The following RABGAP1L variants were observed in gnomAD, a reference collection of about 807,000 sequenced individuals.
RABGAP1L encodes rab GTPase-activating protein 1-like.
RABGAP1L carries 63 observed loss-of-function variants against 137.7 expected under a neutral mutation model. The ratio of observed to expected loss-of-function variants is 0.46; its 90% CI spans 0.37 to 0.56. The LOEUF (loss-of-function observed/expected upper bound fraction) is 0.56, where lower values mean the gene tolerates loss of function less well. Ranked by LOEUF, RABGAP1L falls within the 20% of genes least tolerant of loss-of-function variation. RABGAP1L has a pLI of 0.00. For synonymous variants in RABGAP1L, 431 were observed against 433.7 expected, an observed-to-expected ratio of 0.99 and a Z score of 0.08; for missense variants, 1,095 against 1,244.0, an observed-to-expected ratio of 0.88 and a Z score of 1.80.
intron 13 of RABGAP1L, among the ~76,000 whole-genome samples, chr1:174,609,246 C>T (rs1015908503): frequency 1.3e-5 from 2 of 152,154 alleles, no homozygotes; most frequent in Non-Finnish European, 2.9e-5. Context: ...CCTAGAGCCA[C>T]TGAATCAAGT....
intron 11 of RABGAP1L, among the ~76,000 whole-genome samples, chr1:174,339,253 T>A (rs887536774): frequency 6.6e-6 from 1 of 152,220 alleles, no homozygotes; most frequent in Admixed American, 6.5e-5. Flanking sequence ...AAACTCAAAT[T>A]TCATAGATTG....
Position 174,808,351 on chromosome 1 carries a change from G to A in RABGAP1L, c.2212-3481G>A, listed in dbSNP as rs1031927234. On this transcript the variant is annotated intron_variant, in intron 18 of 25. Coordinates refer to ENST00000681986, the MANE Select transcript of RABGAP1L (RefSeq NM_001366446.1). ...CGCATGTAGTCCTGGCTACTCGGGA[G>A]CCTAAGATGGGAAGGTTTCTTGAGC... 1.4e-4 allele frequency among the ~76,000 whole-genome samples: 22 copies of A among 152,092 alleles called. 1 individual carries two copies. The highest frequency in any genetic ancestry group is 1.4e-3 in the Admixed American group (22 of 15,266).
chr1:174,288,509 A>G (rs1283018578), intron 10 of RABGAP1L, among the ~76,000 whole-genome samples: 1 of 152,118 alleles, frequency 6.6e-6, no homozygotes, highest in Admixed American at 6.5e-5. Context: ...TTTCTCTTTC[A>G]ATATATTGAA....
At chr1:174,198,683 G>A (rs1210406597) in intron 1 of RABGAP1L, among the ~76,000 whole-genome samples, 1 of 152,190 alleles carries the variant, frequency 6.6e-6, no homozygotes, top group African/African-American at 2.4e-5. Flanking sequence ...CTGTATTGGG[G>A]AATTGAGGTA....
At chr1:174,919,867 A>G (rs1389497672) in intron 19 of RABGAP1L, among the ~76,000 whole-genome samples, 1 of 152,164 alleles carries the variant, frequency 6.6e-6, no homozygotes, top group Non-Finnish European at 1.5e-5. Context: ...AAAACAAAAA[A>G]AGAATTATTC....
chr1:174,775,756 C>T (rs1413666905), intron 18 of RABGAP1L, among the ~76,000 whole-genome samples: 1 of 152,164 alleles, frequency 6.6e-6, no homozygotes, highest in East Asian at 1.9e-4. Context: ...TGGATTAGTT[C>T]ATCTGCTCAA....
At chr1:174,417,193 T>C (rs1056394510) in intron 13 of RABGAP1L, among the ~76,000 whole-genome samples, 1 of 152,134 alleles carries the variant, frequency 6.6e-6, no homozygotes, top group Non-Finnish European at 1.5e-5. Flanking sequence ...CACCCTTCTG[T>C]CCCCAACCAC....
chr1:174,904,840 G>A (rs1422253624), intron 19 of RABGAP1L, among the ~76,000 whole-genome samples: 2 of 145,704 alleles, frequency 1.4e-5, no homozygotes, highest in Non-Finnish European at 3.1e-5. Context: ...TTGTAGAGAC[G>A]GGGGTCTCAC....
At chr1:174,836,117 T>A (rs768874023) in intron 19 of RABGAP1L, among the ~76,000 whole-genome samples, 10 of 152,248 alleles carry the variant, frequency 6.6e-5, no homozygotes, top group South Asian at 4.1e-4. Context: ...TTAAAAGATG[T>A]TAATTTGATT....
At chr1:174,286,238 C>T (rs1163111110) in intron 10 of RABGAP1L, among the ~76,000 whole-genome samples, 1 of 151,998 alleles carries the variant, frequency 6.6e-6, no homozygotes. Context: ...CTGATTCAGT[C>T]TTATTATTCT....
At chr1:174,632,283 C>T (rs1188404423) in intron 13 of RABGAP1L, among the ~76,000 whole-genome samples, 5 of 148,094 alleles carry the variant, frequency 3.4e-5, no homozygotes, top group Non-Finnish European at 5.9e-5. Flanking sequence ...TGATGGGCTT[C>T]CCTTTGAGGG....
chr1:174,830,169 A>G (rs1162352805), intron 19 of RABGAP1L, among the ~76,000 whole-genome samples: 1 of 147,856 alleles, frequency 6.8e-6, no homozygotes, highest in Non-Finnish European at 1.5e-5. Flanking sequence ...CACTTTATCA[A>G]GCTGTTTCAA....
chr1:174,652,160 G>C (rs145176976), intron 14 of RABGAP1L, among the ~76,000 whole-genome samples: 2 of 152,038 alleles, frequency 1.3e-5, no homozygotes, highest in Non-Finnish European at 2.9e-5. Flanking sequence ...GTTGAATATC[G>C]GCCCCCACTC....
intron 19 of RABGAP1L, among the ~76,000 whole-genome samples, chr1:174,842,378 T>G (rs1456224595): frequency 3.3e-5 from 5 of 152,148 alleles, no homozygotes; most frequent in Non-Finnish European, 7.4e-5. Flanking sequence ...CAGAAAAAAC[T>G]CATTACTAGG....
intron 19 of RABGAP1L, among the ~76,000 whole-genome samples, chr1:174,908,114 T>C (rs1659417420): frequency 6.6e-6 from 1 of 152,198 alleles, no homozygotes; most frequent in Non-Finnish European, 1.5e-5. Context: ...AATATAACAA[T>C]TGTATATTTT....
In RABGAP1L at chr1:174,575,229, C is replaced by A. The variant is rs184649747; in HGVS notation, c.1711-62146C>A. On this transcript the variant is annotated intron_variant, in intron 13 of 25. Transcript: ENST00000681986. Reference sequence around the variant, plus strand: ...ACAGGCATGAGCCATCATGCCTGGCCTCTTTTAAAAGTTTTTGTAGTTTTT... The same window carrying A: ...ACAGGCATGAGCCATCATGCCTGGCATCTTTTAAAAGTTTTTGTAGTTTTT... 2.0e-3 allele frequency among the ~76,000 whole-genome samples: 299 copies of A among 152,270 alleles called. 1 individual carries two copies. Among genetic ancestry groups the A allele is most frequent in the African/African-American group, 6.8e-3 (283 of 41,562 alleles).
At chr1:174,573,474 CTTGGTTTACACAGAAATATT>C (rs1352954954) in intron 13 of RABGAP1L, among the ~76,000 whole-genome samples, 1 of 152,056 alleles carries the variant, frequency 6.6e-6, no homozygotes, top group Non-Finnish European at 1.5e-5. Flanking sequence ...GGTCCTTGCT[CTTGGTTTACACAGAAATATT>C]TTGTGATTTA....
At chr1:174,203,510 C>T (rs1376963850) in intron 1 of RABGAP1L, among the ~76,000 whole-genome samples, 4 of 152,122 alleles carry the variant, frequency 2.6e-5, no homozygotes, top group African/African-American at 9.7e-5. Context: ...GTTACTGTAG[C>T]CCTGTAGTAT....
chr1:174,320,237 T>C (rs779688848), intron 11 of RABGAP1L, among the ~76,000 whole-genome samples: 4 of 152,222 alleles, frequency 2.6e-5, no homozygotes, highest in Non-Finnish European at 4.4e-5. Flanking sequence ...ATGCCCTTTA[T>C]AACTCATCGT....
Sources: allele counts gnomAD v4.1 joint callset (sites outside exome capture counted in the v4.1 genomes callset), GRCh38; gene constraint gnomAD v4.1.1; transcripts MANE v1.5; gene names NCBI Gene and HGNC (gene_info 2026-07-23, HGNC 2026-07-21).